FHIT: variants seen among roughly 807,000 people sequenced by gnomAD.
The protein encoded by FHIT is fragile histidine triad diadenosine triphosphatase, also known as bis(5'-adenosyl)-triphosphatase.
In FHIT, 19 loss-of-function variants were observed where a neutral mutation model predicts 17.9. The observed-to-expected ratio is 1.06, with a 90% CI of 0.74 to 1.56. FHIT has a LOEUF of 1.56. Ranked by LOEUF, FHIT falls within the 40% of genes most tolerant of loss-of-function variation. FHIT has a pLI of 0.00. For synonymous variants in FHIT, 81 were observed against 69.7 expected, an observed-to-expected ratio of 1.16 and a Z score of -0.81; for missense variants, 248 against 189.2, an observed-to-expected ratio of 1.31 and a Z score of -1.82.
At chr3:60,076,190 T>C (rs1702998082) in intron 5 of FHIT, among the ~76,000 whole-genome samples, 1 of 152,076 alleles carries the variant, frequency 6.6e-6, no homozygotes, top group African/African-American at 2.4e-5. Flanking sequence ...ACAGACATGA[T>C]GGTTTTCCTT....
In FHIT at chr3:61,116,279, A is replaced by C. The variant is rs1177086169; in HGVS notation, c.-163-74180T>G. 2.0e-5 allele frequency among the ~76,000 whole-genome samples: 3 copies of C among 152,246 alleles called. No individual in the cohort carries two copies. The East Asian group carries it at 5.8e-4, about 29-fold the overall frequency. Reference sequence around the variant, plus strand: ...ATGCAAATTTTGCATGTTACTGCATAATATCATTATGCTGCTTTTAATACG... The same window carrying C: ...ATGCAAATTTTGCATGTTACTGCATCATATCATTATGCTGCTTTTAATACG... On this transcript the variant is annotated intron_variant, in intron 2 of 9. Transcript: ENST00000492590.
At chr3:60,214,754 G>A (rs1169021797) in intron 5 of FHIT, among the ~76,000 whole-genome samples, 1 of 152,048 alleles carries the variant, frequency 6.6e-6, no homozygotes, top group African/African-American at 2.4e-5. Flanking sequence ...GCAAAGACAC[G>A]GAATCAACCA....
intron 2 of FHIT, among the ~76,000 whole-genome samples, chr3:61,047,407 A>G (rs980249910): frequency 1.3e-5 from 2 of 152,228 alleles, no homozygotes; most frequent in Non-Finnish European, 2.9e-5. Context: ...TAAAATGCCT[A>G]GGAATGCAAC....
intron 8 of FHIT, among the ~76,000 whole-genome samples, chr3:59,826,992 A>C (rs1231937211): frequency 1.3e-5 from 2 of 152,180 alleles, no homozygotes; most frequent in Non-Finnish European, 2.9e-5. Flanking sequence ...CACACAATTA[A>C]AGACAGTGAT....
chr3:60,622,669 C>G (rs1259674214), intron 4 of FHIT, among the ~76,000 whole-genome samples: 1 of 152,144 alleles, frequency 6.6e-6, no homozygotes, highest in Non-Finnish European at 1.5e-5. Context: ...GAATTTAAGG[C>G]CTCTGGTGTT....
intron 5 of FHIT, among the ~76,000 whole-genome samples, chr3:60,132,371 A>G (rs895251902): frequency 2.0e-5 from 3 of 152,180 alleles, no homozygotes; most frequent in African/African-American, 7.2e-5. Flanking sequence ...CTAGTTATGT[A>G]TTTGTTAAAC....
At chr3:60,034,765 T>A (rs1371476075) in intron 5 of FHIT, among the ~76,000 whole-genome samples, 1 of 152,202 alleles carries the variant, frequency 6.6e-6, no homozygotes, top group African/African-American at 2.4e-5. Flanking sequence ...TTTATTATAT[T>A]AATTTACATG....
chr3:60,398,869 G>A (rs931549838), intron 5 of FHIT, among the ~76,000 whole-genome samples: 1 of 85,148 alleles, frequency 1.2e-5, no homozygotes, highest in African/African-American at 4.1e-5. Context: ...TGTGTTACAA[G>A]AAAATGTTTT....
At chr3:60,689,737 A>G (rs1490205167) in intron 4 of FHIT, among the ~76,000 whole-genome samples, 6 of 152,306 alleles carry the variant, frequency 3.9e-5, no homozygotes, top group East Asian at 1.9e-4. Context: ...GTCTACCCCT[A>G]GAAAAATGAG....
At chr3:60,271,316 T>A (rs1042289476) in intron 5 of FHIT, among the ~76,000 whole-genome samples, 1 of 152,052 alleles carries the variant, frequency 6.6e-6, no homozygotes, top group African/African-American at 2.4e-5. Context: ...GGCAGGTGAA[T>A]CGCTTGAACC....
At chr3:59,854,678 G>A (rs1359920350) in intron 8 of FHIT, among the ~76,000 whole-genome samples, 1 of 152,144 alleles carries the variant, frequency 6.6e-6, no homozygotes, top group Non-Finnish European at 1.5e-5. Context: ...GAATAGAATT[G>A]TTTTTCACAG....
At chr3:60,641,892 G>C (rs1014594015) in intron 4 of FHIT, among the ~76,000 whole-genome samples, 1 of 151,962 alleles carries the variant, frequency 6.6e-6, no homozygotes, top group African/African-American at 2.4e-5. Flanking sequence ...GAAGCCCCTG[G>C]TACTAGCTAC....
At chr3:59,978,911 C>G (rs1708529914) in intron 7 of FHIT, among the ~76,000 whole-genome samples, 2 of 151,892 alleles carry the variant, frequency 1.3e-5, no homozygotes, top group South Asian at 4.2e-4. Context: ...CTTCAAAAGA[C>G]AATGTGTCAA....
intron 2 of FHIT, among the ~76,000 whole-genome samples, chr3:61,085,053 A>G (rs926061902): frequency 6.6e-6 from 1 of 152,202 alleles, no homozygotes; most frequent in African/African-American, 2.4e-5. Context: ...CCATTTACCA[A>G]TTGATAGATA....
At chr3:60,217,923 A>T (rs1703773606) in intron 5 of FHIT, among the ~76,000 whole-genome samples, 1 of 152,160 alleles carries the variant, frequency 6.6e-6, no homozygotes, top group Admixed American at 6.5e-5. Flanking sequence ...ACTTTTAACA[A>T]CTGTATTTAA....
chr3:60,636,558 G>T (rs1414477464), intron 4 of FHIT, among the ~76,000 whole-genome samples: 1 of 152,098 alleles, frequency 6.6e-6, no homozygotes, highest in Non-Finnish European at 1.5e-5. Context: ...AGAAAATAAC[G>T]CAAGATCAAG....
chr3:60,935,247 T>C (rs1377240342), intron 3 of FHIT, among the ~76,000 whole-genome samples: 1 of 152,206 alleles, frequency 6.6e-6, no homozygotes, highest in African/African-American at 2.4e-5. Flanking sequence ...CCTTAAAACC[T>C]TTTGGAACAA....
chr3:60,020,131 A>G (rs1700499140), intron 5 of FHIT, among the ~76,000 whole-genome samples: 1 of 152,210 alleles, frequency 6.6e-6, no homozygotes, highest in Non-Finnish European at 1.5e-5. Context: ...ACAAAGGGGG[A>G]TGCTGCAAAA....
intron 4 of FHIT, among the ~76,000 whole-genome samples, chr3:60,699,374 A>G (rs1381337206): frequency 1.3e-5 from 2 of 152,160 alleles, no homozygotes; most frequent in Non-Finnish European, 2.9e-5. Flanking sequence ...ATTTCCCTCT[A>G]CTGTATAATA....
Sources: allele counts gnomAD v4.1 joint callset (sites outside exome capture counted in the v4.1 genomes callset), GRCh38; gene constraint gnomAD v4.1.1; transcripts MANE v1.5; gene names NCBI Gene and HGNC (gene_info 2026-07-23, HGNC 2026-07-21).